The following ACVR1 variants were observed in gnomAD, a reference collection of about 807,000 sequenced individuals.
ACVR1 encodes activin A receptor type 1.
A neutral mutation model predicts 57.1 loss-of-function variants in ACVR1; 38 were observed. The observed-to-expected ratio is 0.67, with a 90% confidence interval of 0.51 to 0.87. ACVR1 has a LOEUF of 0.87. Ranked by LOEUF, ACVR1 falls within the 40% of genes least tolerant of loss-of-function variation. The probability of loss-of-function intolerance (pLI) is 0.00; values close to 1 mark genes in which losing one functional copy is unlikely to be tolerated. For synonymous variants in ACVR1, 212 were observed against 228.1 expected (o/e 0.93, Z 0.63); for missense variants, 463 against 638.2 (o/e 0.73, Z 2.96).
Position 157,774,522 on chromosome 2 carries a change from G to A in ACVR1, c.544-335C>T, listed in dbSNP as rs1470918018. On this transcript the variant is annotated intron_variant, in intron 5 of 10. Transcript: ENST00000434821. ...TGGGGTTACAGGCACGCGCCACCACGCCCGGCTAATTTTGTATTTTTAGTA... is the reference window on the plus strand; with the variant it reads ...TGGGGTTACAGGCACGCGCCACCACACCCGGCTAATTTTGTATTTTTAGTA... Among the ~76,000 whole-genome samples the A allele has an allele frequency of 5.9e-5, 9 of 152,198 alleles. No homozygotes were observed. In the South Asian group the frequency reaches 1.0e-3, roughly 18 times the overall value.
chr2:157,807,421 C>T (rs1173137093), intron 2 of ACVR1, among the ~76,000 whole-genome samples: 1 of 152,168 alleles, frequency 6.6e-6, no homozygotes, highest in East Asian at 1.9e-4. Flanking sequence ...TTTTCCACTT[C>T]ATTCCTTTGT....
At chr2:157,846,543 T>C (rs1358841648) in intron 1 of ACVR1, among the ~76,000 whole-genome samples, 1 of 152,166 alleles carries the variant, frequency 6.6e-6, no homozygotes, top group Non-Finnish European at 1.5e-5. Flanking sequence ...CTTCAGACCT[T>C]TGCGACCTTC....
chr2:157,763,002 ATC>A (rs1425078690), intron 8 of ACVR1, among the ~76,000 whole-genome samples: 2 of 152,178 alleles, frequency 1.3e-5, no homozygotes, highest in East Asian at 3.8e-4. Flanking sequence ...GAGATAACAA[ATC>A]TGTGTTGTTT....
intron 1 of ACVR1, among the ~76,000 whole-genome samples, chr2:157,848,994 T>C (rs1305223454): frequency 2.6e-5 from 4 of 152,208 alleles, no homozygotes; most frequent in Admixed American, 2.0e-4. Flanking sequence ...ATCTGTCATC[T>C]AATCTAGTAG....
intron 2 of ACVR1, among the ~76,000 whole-genome samples, chr2:157,809,904 A>G (rs1040129154): frequency 1.3e-5 from 2 of 151,998 alleles, no homozygotes; most frequent in African/African-American, 4.8e-5. Context: ...GTGAGACCCC[A>G]TCTCTACAAA....
chr2:157,766,249 T>G, intron 7 of ACVR1, 53 bp from the exon 8 acceptor site: 1 of 1,578,768 alleles, frequency 6.3e-7, no homozygotes, highest in South Asian at 1.1e-5. Flanking sequence ...CATTATAACT[T>G]AAAGTATTTA....
chr2:157,853,254 C>A (rs1401798917), intron 1 of ACVR1, among the ~76,000 whole-genome samples: 1 of 152,170 alleles, frequency 6.6e-6, no homozygotes, highest in Non-Finnish European at 1.5e-5. Flanking sequence ...TACTTTCCCA[C>A]AGTTCTAGAG....
chr2:157,753,157 T>A (rs1332045137), intron 9 of ACVR1, among the ~76,000 whole-genome samples: 1 of 152,080 alleles, frequency 6.6e-6, no homozygotes. Context: ...CAAGCAGAGG[T>A]AGCTATTCTT....
chr2:157,766,665 G>T (rs1482813824), intron 7 of ACVR1, among the ~76,000 whole-genome samples: 1 of 152,116 alleles, frequency 6.6e-6, no homozygotes, highest in Non-Finnish European at 1.5e-5. Flanking sequence ...GCCTATATCT[G>T]CTCAGATGTA....
intron 1 of ACVR1, among the ~76,000 whole-genome samples, chr2:157,854,199 T>TAAAAA (rs398060692): frequency 3.4e-5 from 4 of 118,490 alleles, no homozygotes; most frequent in East Asian, 2.3e-4. Context: ...CCTAAAGGAG[T>TAAAAA]AAAAAAAAAA....
At chr2:157,855,345 C>CACAA (rs1553451290) in intron 1 of ACVR1, among the ~76,000 whole-genome samples, 51 of 126,468 alleles carry the variant, frequency 4.0e-4, no homozygotes, top group Middle Eastern at 3.6e-3. Context: ...CACACACACA[C>CACAA]AAAAATTAGC....
chr2:157,855,763 T>C (rs1689509311), intron 1 of ACVR1, among the ~76,000 whole-genome samples: 1 of 152,172 alleles, frequency 6.6e-6, no homozygotes, highest in African/African-American at 2.4e-5. Context: ...GTCTGAATTA[T>C]ACTTGCAGGG....
chr2:157,810,311 A>C (rs1394114927), intron 2 of ACVR1, among the ~76,000 whole-genome samples: 1 of 152,180 alleles, frequency 6.6e-6, no homozygotes, highest in Non-Finnish European at 1.5e-5. Flanking sequence ...CTGCCATTTA[A>C]CATGAGGCAA....
At chr2:157,740,995 A>T (rs370163072) in intron 9 of ACVR1, among the ~76,000 whole-genome samples, 5 of 152,224 alleles carry the variant, frequency 3.3e-5, no homozygotes, top group South Asian at 2.1e-4. Flanking sequence ...GTCACTACGA[A>T]CTCCCTCTGA....
chr2:157,799,444 G>C lies in ACVR1; in HGVS notation c.50C>G (p.Pro17Arg). ...ILPVLIMIAL[P>R]SPSMEDEKPK... ...TCACTTACCTTCCATACTAGGGGAG[G>C]GGAGAGCAATCATGATAAGCACAGG... Residue 17 changes from proline to arginine, a missense_variant, in exon 3 of 11, where the codon CCC becomes CGC. Physicochemically the swap from Pro to Arg is moderately radical, Grantham distance 103. Transcript: ENST00000434821. 3 of 1,612,150 alleles carry C rather than the reference G, an allele frequency of 1.9e-6. No individual in the cohort carries two copies. Among genetic ancestry groups the C allele is most frequent in the Non-Finnish European group, 2.5e-6 (3 of 1,178,762 alleles).
intron 2 of ACVR1, among the ~76,000 whole-genome samples, chr2:157,817,017 T>C (rs1350884644): frequency 2.0e-5 from 3 of 152,086 alleles, no homozygotes; most frequent in Admixed American, 2.0e-4. Flanking sequence ...TGGGCTGCAG[T>C]GGTGCAATCA....
At chr2:157,833,111 A>G (rs1191777021) in intron 1 of ACVR1, among the ~76,000 whole-genome samples, 1 of 152,202 alleles carries the variant, frequency 6.6e-6, no homozygotes. Context: ...AAGCAATTCA[A>G]GAAGAGCTAG....
At chr2:157,863,448 G>C (rs150304307) in intron 1 of ACVR1, among the ~76,000 whole-genome samples, 1 of 123,052 alleles carries the variant, frequency 8.1e-6, no homozygotes, top group East Asian at 2.9e-4. Flanking sequence ...TGTAATCCCA[G>C]CACTTTGGGA....
intron 2 of ACVR1, among the ~76,000 whole-genome samples, chr2:157,801,868 C>G (rs1687339044): frequency 6.6e-6 from 1 of 152,106 alleles, no homozygotes; most frequent in Non-Finnish European, 1.5e-5. Flanking sequence ...ATCTGAATTC[C>G]CAGTCCTTCA....
Sources: gnomAD v4.1 joint callset for allele counts (sites outside exome capture counted in the v4.1 genomes callset) on GRCh38, gnomAD v4.1.1 for gene constraint, MANE v1.5 for transcripts, NCBI Gene and HGNC (gene_info 2026-07-23, HGNC 2026-07-21) for gene names.